Variants in ADAMTS12 observed in about 807,000 individuals in gnomAD.
ADAMTS12 encodes the protein ADAM metallopeptidase with thrombospondin type 1 motif 12, also known as A disintegrin and metalloproteinase with thrombospondin motifs 12.
Under a neutral mutation model 167.8 loss-of-function variants are expected in ADAMTS12, and 118 were observed. The observed-to-expected ratio is 0.70, with a 90% confidence interval of 0.61 to 0.82. ADAMTS12 has a LOEUF of 0.82. ADAMTS12 is among the 40% of genes least tolerant of loss of function. The pLI, the probability that ADAMTS12 is intolerant of heterozygous loss-of-function variation, is 0.00. For synonymous variants in ADAMTS12, 704 were observed against 716.9 expected (o/e 0.98, Z 0.29); for missense variants, 1,916 against 1,998.8 (o/e 0.96, Z 0.79).
At chr5:33,663,819 T>G (rs1741370855) in intron 5 of ADAMTS12, among the ~76,000 whole-genome samples, 1 of 152,218 alleles carries the variant, frequency 6.6e-6, no homozygotes, top group African/African-American at 2.4e-5. Flanking sequence ...AACCCTACAT[T>G]TCTTTGTTAT....
rs1744974684 is a variant in ADAMTS12, at chr5:33,751,452, T to C, written c.586A>G (p.Arg196Gly). 2.5e-6 allele frequency: 4 copies of C among 1,614,034 alleles called. No individual in the cohort carries two copies. The highest frequency in any genetic ancestry group is 3.4e-6 in the Non-Finnish European group (4 of 1,180,024). Residue 196 changes from arginine to glycine, a missense_variant, in exon 3 of 24, where the codon AGG (arginine) becomes GGG (glycine). By Grantham distance (125) the Arg-to-Gly change is moderately radical (BLOSUM62 -2). Transcript: ENST00000504830. ...TTGGTTTCTGGAACTTTCTGCCTCC[T>C]GTAAACGATGTGCGGGTGGTACCCT... ...EGGYHPHIVY[R>G]RQKVPETKEP...
rs145659783 is a variant in ADAMTS12, at chr5:33,739,208, G to A, written c.634+12196C>T. Among the ~76,000 whole-genome samples the A allele has an allele frequency of 3.6e-4, 55 of 152,084 alleles. 1 individual carries two copies. In the East Asian group the frequency reaches 5.8e-3, roughly 16 times the overall value. On this transcript the variant is annotated intron_variant, in intron 3 of 23. Transcript: ENST00000504830. ...TGGAGCTGACAGTGTGTGACGTGAC[G>A]AATGTTTAAACACACATGTACACCC... is the stretch of plus-strand genomic sequence containing the variant.
At chr5:33,591,983 G>A (rs1437728935) in intron 17 of ADAMTS12, among the ~76,000 whole-genome samples, 7 of 152,158 alleles carry the variant, frequency 4.6e-5, no homozygotes, top group South Asian at 2.1e-4. Context: ...CACTTTGGGA[G>A]GCTGAGGTGG....
intron 2 of ADAMTS12, among the ~76,000 whole-genome samples, chr5:33,861,124 C>A (rs1749599911): frequency 6.6e-6 from 1 of 152,296 alleles, no homozygotes; most frequent in South Asian, 2.1e-4. Context: ...ACTGCATCAA[C>A]TAACAGCCAA....
At chr5:33,795,114 A>G (rs1168486594) in intron 2 of ADAMTS12, among the ~76,000 whole-genome samples, 2 of 152,250 alleles carry the variant, frequency 1.3e-5, no homozygotes, top group East Asian at 3.8e-4. Flanking sequence ...AGCAGAGGAA[A>G]GCTGGAAATA....
At chr5:33,751,659 T>A in intron 2 of ADAMTS12, 111 bp from the exon 3 acceptor site, 1 of 1,036,236 alleles carries the variant, frequency 9.7e-7, no homozygotes, top group Non-Finnish European at 1.4e-6. Flanking sequence ...CTAAGACCAG[T>A]GCTTTCAGAG....
At chr5:33,570,253 A>G (rs1422214164) in intron 19 of ADAMTS12, among the ~76,000 whole-genome samples, 7 of 152,190 alleles carry the variant, frequency 4.6e-5, no homozygotes, top group Non-Finnish European at 8.8e-5. Flanking sequence ...GAACACCACA[A>G]AGATACTCCT....
rs1744939335 is a variant in ADAMTS12 at position 33,545,710 on chromosome 5, AG to A, written c.4446+348del. 4.6e-5 allele frequency among the ~76,000 whole-genome samples: 7 copies of A among 152,208 alleles called. No individual in the cohort carries two copies. In the South Asian group the frequency reaches 1.5e-3, roughly 32 times the overall value. ...AAAAGGATGAGTTCATGTCCTTTGT[AG>A]GGACATGGATGAAGTTGGAAACCAT... On this transcript the variant is annotated intron_variant, in intron 22 of 23. Transcript: ENST00000504830.
At chr5:33,784,355 G>A (rs948391257) in intron 2 of ADAMTS12, among the ~76,000 whole-genome samples, 3 of 151,780 alleles carry the variant, frequency 2.0e-5, no homozygotes, top group Non-Finnish European at 4.4e-5. Flanking sequence ...GTGAGCCAAC[G>A]TGATAAGACA....
intron 14 of ADAMTS12, among the ~76,000 whole-genome samples, chr5:33,619,960 T>C (rs928251328): frequency 2.6e-5 from 4 of 152,362 alleles, no homozygotes; most frequent in Middle Eastern, 6.8e-3. Flanking sequence ...CCCAAAGTGT[T>C]GGGATTACAG....
intron 3 of ADAMTS12, among the ~76,000 whole-genome samples, chr5:33,742,884 C>T (rs763134782): frequency 6.6e-6 from 1 of 152,152 alleles, no homozygotes; most frequent in Non-Finnish European, 1.5e-5. Context: ...ATTTCTGGTT[C>T]ATGGAAGACA....
At chr5:33,681,279 C>T (rs993217192) in intron 5 of ADAMTS12, among the ~76,000 whole-genome samples, 9 of 152,166 alleles carry the variant, frequency 5.9e-5, no homozygotes, top group African/African-American at 2.2e-4. Context: ...ATCTAACACA[C>T]ACGATCGTGG....
In ADAMTS12 at chr5:33,881,258, T is replaced by C. The variant is rs756109708; in HGVS notation, c.350A>G (p.Tyr117Cys). 118 of 1,614,058 alleles carry C rather than the reference T, an allele frequency of 7.3e-5. No homozygotes were observed. The highest frequency in any genetic ancestry group is 1.7e-6 in the Non-Finnish European group (2 of 1,180,034). ...TVNQGFLSNS[Y>C]IMEKRYGNLS... is the part of the protein sequence containing the mutation. Reference sequence around the variant, plus strand: ...GTTCCCATATCTCTTCTCCATGATGTAGCTATTGGAAAGAAATCCTTGATT... The same window carrying C: ...GTTCCCATATCTCTTCTCCATGATGCAGCTATTGGAAAGAAATCCTTGATT... Residue 117 changes from tyrosine to cysteine, a missense_variant, in exon 2 of 24, where the codon TAC becomes TGC. By Grantham distance (194) the Tyr-to-Cys change is radical (BLOSUM62 -2). Transcript: ENST00000504830.
intron 16 of ADAMTS12, among the ~76,000 whole-genome samples, chr5:33,612,471 G>A (rs1174769895): frequency 1.3e-5 from 2 of 152,214 alleles, no homozygotes; most frequent in African/African-American, 4.8e-5. Flanking sequence ...AAACAGAAGT[G>A]AGTGGAGGAT....
At chr5:33,595,857 A>G (rs1375374173) in intron 17 of ADAMTS12, 77 bp downstream of exon 17, 2 of 1,556,972 alleles carry the variant, frequency 1.3e-6, no homozygotes, top group Admixed American at 1.9e-5. Flanking sequence ...TTTCTTTATC[A>G]GCAAGCACTA....
intron 16 of ADAMTS12, among the ~76,000 whole-genome samples, chr5:33,609,769 T>G (rs905021646): frequency 2.6e-5 from 4 of 152,248 alleles, no homozygotes; most frequent in African/African-American, 9.6e-5. Flanking sequence ...CAGTCATTTT[T>G]CTTGTGGCCT....
intron 20 of ADAMTS12, among the ~76,000 whole-genome samples, chr5:33,559,717 C>T (rs1037899877): frequency 3.9e-5 from 6 of 152,240 alleles, no homozygotes; most frequent in African/African-American, 1.4e-4. Flanking sequence ...CCCATCTCTA[C>T]TAAAAATACA....
intron 12 of ADAMTS12, among the ~76,000 whole-genome samples, chr5:33,632,099 C>A (rs1486376908): frequency 1.8e-5 from 1 of 54,164 alleles, no homozygotes; most frequent in African/African-American, 3.7e-5. Flanking sequence ...AGACTGAGGT[C>A]AAAAACATGT....
At chr5:33,644,149 A>G (rs1189635950) in intron 9 of ADAMTS12, among the ~76,000 whole-genome samples, 2 of 152,038 alleles carry the variant, frequency 1.3e-5, no homozygotes, top group Admixed American at 6.5e-5. Context: ...GTGTTTTTTC[A>G]TTATATGACT....
Sources: allele counts gnomAD v4.1 joint callset (sites outside exome capture counted in the v4.1 genomes callset), GRCh38; gene constraint gnomAD v4.1.1; transcripts MANE v1.5; gene names NCBI Gene and HGNC (gene_info 2026-07-23, HGNC 2026-07-21).